Variants in TSPAN8 observed in about 807,000 individuals in gnomAD.
The protein encoded by TSPAN8 is tetraspanin 8.
TSPAN8 carries 21 observed loss-of-function variants against 32.8 expected under a neutral mutation model. The ratio of observed to expected loss-of-function variants is 0.64; its 90% CI spans 0.45 to 0.92. The LOEUF (loss-of-function observed/expected upper bound fraction) is 0.92, where lower values mean the gene tolerates loss of function less well. Ranked by LOEUF, TSPAN8 falls within the 40% of genes least tolerant of loss-of-function variation. TSPAN8 has a pLI of 0.00. For synonymous variants in TSPAN8, 95 were observed against 94.6 expected (o/e 1.00, Z -0.03); for missense variants, 269 against 281.9 (o/e 0.95, Z 0.33).
chr12:71,132,909 C>G (rs1421273163), intron 6 of TSPAN8, 85 bp from the exon 7 acceptor site: 23 of 1,474,908 alleles, frequency 1.6e-5, no homozygotes, highest in Non-Finnish European at 2.1e-5. Context: ...CTTCTGAAAT[C>G]ATTATTAAAG....
Position 71,139,605 on chromosome 12 carries a change from T to C in TSPAN8, c.261+106A>G, listed in dbSNP as rs562448343. 1.3e-5 allele frequency: 18 copies of C among 1,408,556 alleles called. No homozygotes were observed. In the African/African-American group the frequency reaches 1.9e-4, roughly 14 times the overall value. 87.3% of individuals were successfully genotyped at this position (1,408,556 alleles called of 1,614,324 possible). Reference sequence around the variant, plus strand: ...CAAACCTTCTAAAGAGAAGTTGGAGTTAGAGTTTCATCAATCATGGCACGT... The same window carrying C: ...CAAACCTTCTAAAGAGAAGTTGGAGCTAGAGTTTCATCAATCATGGCACGT... On this transcript the variant is annotated intron_variant, in intron 4 of 8. Coordinates refer to ENST00000247829, the MANE Select transcript of TSPAN8 (RefSeq NM_004616.3).
At chr12:71,133,278 C>T (rs1193776985) in intron 6 of TSPAN8, among the ~76,000 whole-genome samples, 4 of 151,836 alleles carry the variant, frequency 2.6e-5, no homozygotes, top group Middle Eastern at 3.2e-3. Flanking sequence ...GCAGAGACCG[C>T]GTTTTACCAT....
chr12:71,130,490 T>A (rs1871487111), intron 7 of TSPAN8, among the ~76,000 whole-genome samples: 1 of 152,216 alleles, frequency 6.6e-6, no homozygotes, highest in South Asian at 2.1e-4. Context: ...AAGAATTTTT[T>A]AAATGGAAAA....
At position 71,139,703 on chromosome 12, in the gene TSPAN8, G is replaced by A. The variant is rs1326531420; in HGVS notation, c.261+8C>T. 2.2e-5 allele frequency: 35 copies of A among 1,612,810 alleles called. No homozygotes were observed. Among genetic ancestry groups the A allele is most frequent in the Non-Finnish European group, 2.7e-5 (32 of 1,179,246 alleles). ...GGTTGGACACTGGGATTTGTTTGGAGAACTCACCAACAGAAGCATGCAGCG... is the reference window on the plus strand; with the variant it reads ...GGTTGGACACTGGGATTTGTTTGGAAAACTCACCAACAGAAGCATGCAGCG... On this transcript the variant is annotated splice_region_variant and intron_variant, in intron 4 of 8. Coordinates refer to ENST00000247829, the MANE Select transcript of TSPAN8 (RefSeq NM_004616.3).
At chr12:71,153,213 G>A (rs1045375067) in intron 2 of TSPAN8, among the ~76,000 whole-genome samples, 3 of 152,146 alleles carry the variant, frequency 2.0e-5, no homozygotes, top group Admixed American at 6.5e-5. Flanking sequence ...TGAACTATCT[G>A]AGAGGAGCAT....
At chr12:71,157,436 C>A (rs1872480404) in intron 2 of TSPAN8, 183 bp downstream of exon 2, 2 of 524,014 alleles carry the variant, frequency 3.8e-6, no homozygotes, top group African/African-American at 1.9e-5. Context: ...TTTTTTGAGT[C>A]CTTGGCTCAT....
rs1290458589 is a variant in TSPAN8 at position 71,144,353 on chromosome 12, T to A, written c.61-140A>T. 8.1e-6 allele frequency: 5 copies of A among 617,300 alleles called. No homozygotes were observed. The African/African-American group carries it at 9.2e-5, about 11-fold the overall frequency. 38.2% of individuals were successfully genotyped at this position (617,300 alleles called of 1,614,324 possible). A position where few individuals can be genotyped will look rare whatever the true frequency, so the allele number is the denominator to read the frequency against. ...ACCTGGAAGACATAAATGAGGCATA[T>A]TCATATACAGATCATTGTTGAAATG... On this transcript the variant is annotated intron_variant, in intron 2 of 8. Transcript: ENST00000247829.
intron 4 of TSPAN8, 60 bp from the exon 5 acceptor site, chr12:71,138,290 A>T: frequency 6.8e-7 from 1 of 1,462,806 alleles, no homozygotes; most frequent in Non-Finnish European, 9.5e-7. Flanking sequence ...ATCTGGGGAC[A>T]TTCTGGCACA....
chr12:71,129,417 G>C lies in TSPAN8; in HGVS notation c.577-3C>G. 6.5e-7 allele frequency: 1 copy of C among 1,531,012 alleles called. No individual in the cohort carries two copies. The highest frequency in any genetic ancestry group is 8.7e-7 in the Non-Finnish European group (1 of 1,143,806). The allele number at this position is 1,531,012 out of a possible 1,614,324, so 94.8% of individuals were successfully genotyped here. On this transcript the variant is annotated splice_region_variant and splice_polypyrimidine_tract_variant and intron_variant, in intron 7 of 8. Coordinates refer to ENST00000247829, the MANE Select transcript of TSPAN8 (RefSeq NM_004616.3). Reference sequence around the variant, plus strand: ...TCTTTTATGAAAGAAATACAGGTCTGTTAAAAAAAAAAAACATTAAAAGTT... The same window carrying C: ...TCTTTTATGAAAGAAATACAGGTCTCTTAAAAAAAAAAAACATTAAAAGTT...
intron 2 of TSPAN8, 110 bp from the exon 3 acceptor site, chr12:71,144,323 T>C: frequency 1.1e-6 from 1 of 879,986 alleles, no homozygotes; most frequent in Non-Finnish European, 1.7e-6. Flanking sequence ...GACTATACTA[T>C]CACAACCTGG....
At chr12:71,137,926 T>C (rs1871755777) in intron 6 of TSPAN8, 27 bp downstream of exon 6, 2 of 1,591,324 alleles carry the variant, frequency 1.3e-6, no homozygotes, top group African/African-American at 2.7e-5. Flanking sequence ...GTCCAACTCT[T>C]TAAAATGAAC....
At chr12:71,153,484 T>C (rs1872322175) in intron 2 of TSPAN8, among the ~76,000 whole-genome samples, 1 of 152,226 alleles carries the variant, frequency 6.6e-6, no homozygotes, top group African/African-American at 2.4e-5. Flanking sequence ...AATGACCACA[T>C]GCATATCTAA....
intron 6 of TSPAN8, among the ~76,000 whole-genome samples, chr12:71,133,154 G>A (rs1871574786): frequency 6.6e-6 from 1 of 152,084 alleles, no homozygotes; most frequent in South Asian, 2.1e-4. Context: ...CGCGATCTCG[G>A]CTCACTGCAA....
chr12:71,129,293 G>C, intron 8 of TSPAN8, 38 bp downstream of exon 8: 1 of 1,480,248 alleles, frequency 6.8e-7, no homozygotes, highest in South Asian at 1.3e-5. Context: ...GAACAAGCAA[G>C]GGAATAAAAG....
chr12:71,157,529 T>C (rs1872483771), intron 2 of TSPAN8, 90 bp downstream of exon 2: 1 of 860,452 alleles, frequency 1.2e-6, no homozygotes, highest in South Asian at 1.6e-5. Context: ...TTCTCTTATT[T>C]CTCTAGTGTA....
intron 2 of TSPAN8, among the ~76,000 whole-genome samples, chr12:71,145,956 T>C (rs1004533054): frequency 6.6e-6 from 1 of 152,160 alleles, no homozygotes; most frequent in African/African-American, 2.4e-5. Context: ...AAGAACTCAG[T>C]GTGATATTTT....
intron 2 of TSPAN8, among the ~76,000 whole-genome samples, chr12:71,150,245 C>G (rs1872209133): frequency 6.6e-6 from 1 of 152,242 alleles, no homozygotes; most frequent in Admixed American, 6.5e-5. Flanking sequence ...GAACACAGAC[C>G]CTTATCAGTA....
At chr12:71,137,294 A>G (rs1871730784) in intron 6 of TSPAN8, among the ~76,000 whole-genome samples, 1 of 151,820 alleles carries the variant, frequency 6.6e-6, no homozygotes, top group Non-Finnish European at 1.5e-5. Context: ...ATAATTAATT[A>G]TTTTTTAAAA....
At chr12:71,156,269 CAAACAAAAAA>C (rs1565791281) in intron 2 of TSPAN8, among the ~76,000 whole-genome samples, 2 of 32,516 alleles carry the variant, frequency 6.2e-5, no homozygotes, top group African/African-American at 1.3e-4. Flanking sequence ...AAAAAAAAAA[CAAACAAAAAA>C]AAAACTAGAA....
Sources: gnomAD v4.1 joint callset for allele counts (sites outside exome capture counted in the v4.1 genomes callset) on GRCh38, gnomAD v4.1.1 for gene constraint, MANE v1.5 for transcripts, NCBI Gene and HGNC (gene_info 2026-07-23, HGNC 2026-07-21) for gene names.